Variants in ZNF827 observed in about 807,000 individuals in gnomAD.
ZNF827 encodes zinc finger protein 827.
A neutral mutation model predicts 102.4 loss-of-function variants in ZNF827; 13 were observed. The observed-to-expected ratio is 0.13, with a 90% CI of 0.08 to 0.20. ZNF827 has a LOEUF of 0.20. Among genes scored for constraint, ZNF827 ranks in the 10% least tolerant of loss-of-function variants. ZNF827 has a pLI of 1.00. For synonymous variants in ZNF827, 523 were observed against 536.2 expected (o/e 0.98, Z 0.34); for missense variants, 1,103 against 1,344.4 (o/e 0.82, Z 2.81).
intron 1 of ZNF827, among the ~76,000 whole-genome samples, chr4:145,933,780 C>A (rs1454317061): frequency 7.8e-6 from 1 of 127,912 alleles, no homozygotes; most frequent in Non-Finnish European, 1.6e-5. Flanking sequence ...AAGTGATCAC[C>A]AATGGTGAAA....
At chr4:145,858,393 A>G (rs1747377071) in intron 5 of ZNF827, among the ~76,000 whole-genome samples, 1 of 152,156 alleles carries the variant, frequency 6.6e-6, no homozygotes, top group South Asian at 2.1e-4. Flanking sequence ...GTGCTTTGGG[A>G]GGGCAAAGTG....
At chr4:145,862,982 T>C (rs1049840508) in intron 5 of ZNF827, among the ~76,000 whole-genome samples, 1 of 152,158 alleles carries the variant, frequency 6.6e-6, no homozygotes, top group African/African-American at 2.4e-5. Context: ...GGAGGAAATA[T>C]TTGCAAATCA....
rs546053372 is a variant in ZNF827, at chr4:145,892,755, C to T, written c.1094-340G>A. On this transcript the variant is annotated intron_variant, in intron 2 of 14. Coordinates refer to ENST00000508784, the MANE Select transcript of ZNF827 (RefSeq NM_001306215.2). ...ACTCAGGGCCCAAGGGCACCATGCA[C>T]AGTCAGAGAAGTCTGAATGCAGGGG... Among the ~76,000 whole-genome samples, 6 of 152,230 alleles carry T rather than the reference C, an allele frequency of 3.9e-5. No individual in the cohort carries two copies. The South Asian group carries it at 1.2e-3, about 32-fold the overall frequency.
intron 6 of ZNF827, among the ~76,000 whole-genome samples, chr4:145,849,006 A>G (rs1438430912): frequency 6.6e-6 from 1 of 152,148 alleles, no homozygotes; most frequent in African/African-American, 2.4e-5. Flanking sequence ...AAAGCCTGTT[A>G]ATCAGATCAA....
intron 10 of ZNF827, 122 bp downstream of exon 10, chr4:145,775,667 A>C: frequency 8.1e-7 from 1 of 1,237,100 alleles, no homozygotes; most frequent in South Asian, 1.4e-5. Flanking sequence ...AATTACTCAA[A>C]TGAAGGCCAG....
chr4:145,833,396 T>G (rs1744456571), intron 7 of ZNF827, among the ~76,000 whole-genome samples: 1 of 152,180 alleles, frequency 6.6e-6, no homozygotes, highest in Non-Finnish European at 1.5e-5. Flanking sequence ...GCCTCTCTGA[T>G]TATTCACCCA....
intron 7 of ZNF827, among the ~76,000 whole-genome samples, chr4:145,837,798 A>G (rs989544145): frequency 7.1e-4 from 108 of 151,408 alleles, no homozygotes; most frequent in African/African-American, 2.4e-3. Flanking sequence ...TTCATACAAA[A>G]CCGTATCCAG....
chr4:145,868,203 G>A (rs1748374370), intron 5 of ZNF827, among the ~76,000 whole-genome samples: 1 of 152,206 alleles, frequency 6.6e-6, no homozygotes, highest in Non-Finnish European at 1.5e-5. Flanking sequence ...ATGGCCACTA[G>A]AGTATGGCAG....
At chr4:145,808,602 G>A (rs1741718164) in intron 8 of ZNF827, among the ~76,000 whole-genome samples, 3 of 152,180 alleles carry the variant, frequency 2.0e-5, no homozygotes, top group Admixed American at 2.0e-4. Context: ...GAAGGTAGTA[G>A]GTACAGATAA....
intron 4 of ZNF827, among the ~76,000 whole-genome samples, chr4:145,873,544 A>T (rs74814950): frequency 1.3e-5 from 2 of 152,238 alleles, no homozygotes; most frequent in African/African-American, 4.8e-5. Context: ...CTTGAACTAG[A>T]GCATTACTAA....
At chr4:145,849,225 C>T in intron 6 of ZNF827, 97 bp downstream of exon 6, 1 of 1,442,516 alleles carries the variant, frequency 6.9e-7, no homozygotes, top group Non-Finnish European at 9.2e-7. Context: ...TCTAAAAAAT[C>T]CTATAATTCA....
In ZNF827 at chr4:145,815,462, TG is replaced by T. The variant is rs1198709539; in HGVS notation, c.2383+7959del. ...ATCAGGAGACAGCCATGGTGTGATG[TG>T]GGAGTGTCTTCTTTACCACAGAGAG... On this transcript the variant is annotated intron_variant, in intron 8 of 14. Coordinates refer to ENST00000508784, the MANE Select transcript of ZNF827 (RefSeq NM_001306215.2). 7.2e-5 allele frequency among the ~76,000 whole-genome samples: 11 copies of T among 152,298 alleles called. No homozygotes were observed. In the South Asian group the frequency reaches 2.3e-3, roughly 32 times the overall value.
At chr4:145,779,297 A>G (rs1579147264) in intron 9 of ZNF827, 77 bp downstream of exon 9, 1 of 1,531,806 alleles carries the variant, frequency 6.5e-7, no homozygotes, top group Admixed American at 2.1e-5. Context: ...CCTCTCTTAG[A>G]GAAACTCAGT....
chr4:145,835,073 C>T (rs1478077826), intron 7 of ZNF827: 1 of 152,208 alleles, frequency 6.6e-6, no homozygotes, highest in Non-Finnish European at 1.5e-5. Flanking sequence ...GGGATTCCTC[C>T]TAAGCTACGT....
At chr4:145,833,085 G>A (rs1187215209) in intron 7 of ZNF827, 43 of 211,934 alleles carry the variant, frequency 2.0e-4, no homozygotes, top group African/African-American at 9.7e-4. Context: ...TTTGCTCCGT[G>A]AGAAAGATCC....
At chr4:145,851,539 T>C (rs1382937068) in intron 5 of ZNF827, among the ~76,000 whole-genome samples, 1 of 152,216 alleles carries the variant, frequency 6.6e-6, no homozygotes, top group Non-Finnish European at 1.5e-5. Context: ...TTAACCTAAA[T>C]GATTAAAATT....
chr4:145,887,869 G>A (rs1374523476), intron 3 of ZNF827, among the ~76,000 whole-genome samples: 1 of 152,206 alleles, frequency 6.6e-6, no homozygotes, highest in Non-Finnish European at 1.5e-5. Context: ...ACGAGTTAGA[G>A]AGCTTCCATT....
chr4:145,772,848 C>T (rs1736491257), intron 11 of ZNF827, among the ~76,000 whole-genome samples: 1 of 152,226 alleles, frequency 6.6e-6, no homozygotes, highest in Non-Finnish European at 1.5e-5. Flanking sequence ...AATCCTGCTA[C>T]ATCAGAGAGA....
intron 7 of ZNF827, among the ~76,000 whole-genome samples, chr4:145,836,646 T>C (rs1744871075): frequency 6.6e-6 from 1 of 151,784 alleles, no homozygotes; most frequent in Admixed American, 6.6e-5. Flanking sequence ...CCCATGACTG[T>C]ATCTCTCTGA....
Sources: allele counts gnomAD v4.1 joint callset (sites outside exome capture counted in the v4.1 genomes callset), GRCh38; gene constraint gnomAD v4.1.1; transcripts MANE v1.5; gene names NCBI Gene and HGNC (gene_info 2026-07-23, HGNC 2026-07-21).